Variants in DDAH1 observed in about 807,000 individuals in gnomAD.
The protein encoded by DDAH1 is dimethylarginine dimethylaminohydrolase 1, also known as N(G),N(G)-dimethylarginine dimethylaminohydrolase 1.
In DDAH1, 19 loss-of-function variants were observed where a neutral mutation model predicts 28.8. The observed-to-expected ratio is 0.66, with a 90% CI of 0.46 to 0.97. DDAH1 has a LOEUF of 0.97. DDAH1 is among the 50% of genes least tolerant of loss of function. The probability of loss-of-function intolerance (pLI) is 0.00; values close to 1 mark genes in which losing one functional copy is unlikely to be tolerated. For missense variants in DDAH1, 326 were observed against 375.9 expected, an observed-to-expected ratio of 0.87 and a Z score of 1.10; for synonymous variants, 153 against 154.4, an observed-to-expected ratio of 0.99 and a Z score of 0.07.
At chr1:85,556,046 G>C (rs114000193) in intron 1 of DDAH1, among the ~76,000 whole-genome samples, 3,031 of 151,930 alleles carry the variant, frequency 0.02, 109 homozygotes, top group African/African-American at 0.07. Context: ...GAACAGGCTG[G>C]GGAGTGCGGC....
intron 1 of DDAH1, among the ~76,000 whole-genome samples, chr1:85,446,097 G>A (rs1020373320): frequency 1.3e-5 from 2 of 152,122 alleles, no homozygotes; most frequent in African/African-American, 4.8e-5. Flanking sequence ...GAGCTGTACC[G>A]CCCCAGCAAT....
intron 1 of DDAH1, among the ~76,000 whole-genome samples, chr1:85,458,354 C>T (rs1269777163): frequency 6.6e-6 from 1 of 150,752 alleles, no homozygotes. Context: ...GCATCAGCTT[C>T]AGGAAAATGA....
intron 1 of DDAH1, among the ~76,000 whole-genome samples, chr1:85,565,469 G>A (rs1334805070): frequency 6.6e-6 from 1 of 152,116 alleles, no homozygotes; most frequent in Non-Finnish European, 1.5e-5. Context: ...TTGTACTAGT[G>A]ATAAGATGCC....
intron 1 of DDAH1, among the ~76,000 whole-genome samples, chr1:85,374,325 A>C (rs139220300): frequency 6.6e-6 from 1 of 152,250 alleles, no homozygotes; most frequent in Non-Finnish European, 1.5e-5. Context: ...AAACACTTGC[A>C]CATCCTTTGT....
At chr1:85,405,309 T>C (rs538907687) in intron 1 of DDAH1, among the ~76,000 whole-genome samples, 2 of 152,230 alleles carry the variant, frequency 1.3e-5, no homozygotes, top group African/African-American at 2.4e-5. Flanking sequence ...CAGAGGGAAA[T>C]AGTCAAGCAT....
intron 1 of DDAH1, among the ~76,000 whole-genome samples, chr1:85,519,972 C>A (rs79865185): frequency 6.6e-6 from 1 of 150,604 alleles, no homozygotes; most frequent in Non-Finnish European, 1.5e-5. Flanking sequence ...TTTTTTTCCC[C>A]TTTATTTATT....
At chr1:85,539,802 A>G (rs1389284173) in intron 1 of DDAH1, among the ~76,000 whole-genome samples, 1 of 151,918 alleles carries the variant, frequency 6.6e-6, no homozygotes, top group Non-Finnish European at 1.5e-5. Context: ...ACCCAGTTTG[A>G]TTTGCCTTTC....
At chr1:85,324,134 G>A (rs924130585) in intron 5 of DDAH1, among the ~76,000 whole-genome samples, 3 of 150,326 alleles carry the variant, frequency 2.0e-5, no homozygotes, top group Non-Finnish European at 3.0e-5. Context: ...GCCAGGTTGT[G>A]GTGGTATATG....
chr1:85,577,874 C>T (rs928327056), intron 1 of DDAH1: 5 of 720,068 alleles, frequency 6.9e-6, no homozygotes, highest in Admixed American at 6.3e-5. Flanking sequence ...CCAAGGCAGC[C>T]CAAGGAAACA....
At chr1:85,324,041 G>A (rs553894017) in intron 5 of DDAH1, among the ~76,000 whole-genome samples, 2 of 151,052 alleles carry the variant, frequency 1.3e-5, no homozygotes, top group South Asian at 2.1e-4. Flanking sequence ...AGGCCCAGGC[G>A]GGCAGACTGC....
chr1:85,564,934 C>T (rs1399285404), intron 1 of DDAH1, among the ~76,000 whole-genome samples: 1 of 151,310 alleles, frequency 6.6e-6, no homozygotes. Flanking sequence ...CAGTGGCTCA[C>T]GCCTGTAATT....
At chr1:85,440,779 C>G (rs1308044685) in intron 1 of DDAH1, among the ~76,000 whole-genome samples, 1 of 149,336 alleles carries the variant, frequency 6.7e-6, no homozygotes, top group Non-Finnish European at 1.5e-5. Flanking sequence ...CTTAACACTA[C>G]CTTCTCTGTC....
chr1:85,435,781 TTTTTTA>T (rs1311582712), intron 1 of DDAH1, among the ~76,000 whole-genome samples: 27 of 152,164 alleles, frequency 1.8e-4, no homozygotes, highest in African/African-American at 6.3e-4. Flanking sequence ...CACTTATATC[TTTTTTA>T]TTTTTATTTT....
intron 4 of DDAH1, among the ~76,000 whole-genome samples, chr1:85,339,379 C>A (rs1313335626): frequency 6.6e-6 from 1 of 152,104 alleles, no homozygotes; most frequent in African/African-American, 2.4e-5. Context: ...CCAAAGCTAC[C>A]TTTAACATTT....
At chr1:85,437,552 T>G (rs916200778) in intron 1 of DDAH1, among the ~76,000 whole-genome samples, 6 of 152,210 alleles carry the variant, frequency 3.9e-5, no homozygotes, top group African/African-American at 9.7e-5. Context: ...TAATAACATT[T>G]TCTTTCTCTA....
chr1:85,462,704 C>T (rs1015461643), intron 1 of DDAH1, among the ~76,000 whole-genome samples: 1 of 152,210 alleles, frequency 6.6e-6, no homozygotes, highest in African/African-American at 2.4e-5. Context: ...CATGACTCTG[C>T]CCTCCAGAAG....
intron 1 of DDAH1, among the ~76,000 whole-genome samples, chr1:85,496,650 ATTAAT>A (rs1261095110): frequency 6.6e-6 from 1 of 152,234 alleles, no homozygotes; most frequent in Admixed American, 6.5e-5. Flanking sequence ...AGTTATATGT[ATTAAT>A]TTAAGATATT....
chr1:85,433,376 T>C (rs1318221642), intron 1 of DDAH1, among the ~76,000 whole-genome samples: 1 of 152,152 alleles, frequency 6.6e-6, no homozygotes, highest in Non-Finnish European at 1.5e-5. Context: ...CTCTCTTCAG[T>C]GATTTCTGGA....
At chr1:85,328,095 GA>G (rs968405491) in intron 4 of DDAH1, among the ~76,000 whole-genome samples, 2 of 152,132 alleles carry the variant, frequency 1.3e-5, no homozygotes, top group African/African-American at 4.8e-5. Context: ...TTTTTAATGT[GA>G]AAAAACATGG....
Sources: gnomAD v4.1 joint callset for allele counts (sites outside exome capture counted in the v4.1 genomes callset) on GRCh38, gnomAD v4.1.1 for gene constraint, MANE v1.5 for transcripts, NCBI Gene and HGNC (gene_info 2026-07-23, HGNC 2026-07-21) for gene names.